TANC1: variants seen among roughly 807,000 people sequenced by gnomAD.
TANC1 encodes the protein protein TANC1.
Under a neutral mutation model 149.7 loss-of-function variants are expected in TANC1, and 77 were observed. That is an observed-to-expected ratio of 0.51 (90% CI 0.43 to 0.62). The LOEUF is 0.62. TANC1 is among the 20% of genes least tolerant of loss of function. TANC1 has a pLI of 0.00. For missense variants in TANC1, 1,985 were observed against 2,321.8 expected (o/e 0.85, Z 2.98); for synonymous variants, 854 against 925.0 (o/e 0.92, Z 1.39).
intron 22 of TANC1, among the ~76,000 whole-genome samples, chr2:159,221,015 G>A (rs1246600602): frequency 6.6e-6 from 1 of 152,154 alleles, no homozygotes; most frequent in East Asian, 1.9e-4. Context: ...ATTTCTTTTT[G>A]GTGAGAGCAT....
At chr2:159,193,007 A>G (rs1184962105) in intron 16 of TANC1, among the ~76,000 whole-genome samples, 1 of 152,236 alleles carries the variant, frequency 6.6e-6, no homozygotes, top group African/African-American at 2.4e-5. Context: ...GAAATTTACC[A>G]TCTTAACCAT....
chr2:159,064,753 CG>C (rs2042519913), intron 2 of TANC1, among the ~76,000 whole-genome samples: 1 of 152,170 alleles, frequency 6.6e-6, no homozygotes, highest in South Asian at 2.1e-4. Context: ...CCCTTCTCAA[CG>C]GGTGCCACAA....
intron 2 of TANC1, among the ~76,000 whole-genome samples, chr2:159,057,430 G>A (rs264660): frequency 0.58 from 87,992 of 152,108 alleles, 26,963 homozygotes; most frequent in Non-Finnish European, 0.71. Flanking sequence ...GCAACGTACA[G>A]ATGTATGTCG....
chr2:159,064,824 TG>T (rs953764369), intron 2 of TANC1, among the ~76,000 whole-genome samples: 11 of 152,212 alleles, frequency 7.2e-5, no homozygotes, highest in African/African-American at 2.4e-4. Context: ...TGAGGCCATT[TG>T]AGGCATTTGT....
intron 1 of TANC1, among the ~76,000 whole-genome samples, chr2:158,973,688 G>A (rs1449819149): frequency 6.6e-6 from 1 of 152,188 alleles, no homozygotes; most frequent in African/African-American, 2.4e-5. Flanking sequence ...GGAAGAGGGA[G>A]GGAGCTGGAT....
intron 2 of TANC1, among the ~76,000 whole-genome samples, chr2:159,059,941 G>T (rs1372407036): frequency 9.8e-6 from 1 of 102,008 alleles, no homozygotes; most frequent in African/African-American, 3.7e-5. Context: ...GTTTTTTGTT[G>T]TTGTTGTTTT....
At chr2:159,081,558 A>G (rs2044274747) in intron 3 of TANC1, among the ~76,000 whole-genome samples, 1 of 152,200 alleles carries the variant, frequency 6.6e-6, no homozygotes, top group Non-Finnish European at 1.5e-5. Context: ...GAGATGTGGC[A>G]GGAAAAAGTT....
intron 15 of TANC1, among the ~76,000 whole-genome samples, chr2:159,186,299 A>C (rs2056963762): frequency 6.6e-6 from 1 of 152,178 alleles, no homozygotes; most frequent in Admixed American, 6.5e-5. Context: ...GTGTTTGCCC[A>C]GGCTGGAGAG....
intron 4 of TANC1, among the ~76,000 whole-genome samples, chr2:159,126,251 A>T (rs2049443012): frequency 6.6e-6 from 1 of 152,226 alleles, no homozygotes. Flanking sequence ...GGCAGAATTC[A>T]GGTTTTCCTG....
intron 3 of TANC1, among the ~76,000 whole-genome samples, chr2:159,081,208 T>C (rs1282901244): frequency 6.6e-6 from 1 of 152,226 alleles, no homozygotes; most frequent in African/African-American, 2.4e-5. Flanking sequence ...AAATTGGCTA[T>C]CTTTATAGTT....
chr2:158,976,749 T>C (rs1283449895), intron 1 of TANC1, among the ~76,000 whole-genome samples: 1 of 152,052 alleles, frequency 6.6e-6, no homozygotes, highest in African/African-American at 2.4e-5. Context: ...GGTGTGGTAG[T>C]GTACACCTGT....
At chr2:159,136,990 C>G (rs2050833526) in intron 5 of TANC1, among the ~76,000 whole-genome samples, 1 of 152,182 alleles carries the variant, frequency 6.6e-6, no homozygotes, top group African/African-American at 2.4e-5. Flanking sequence ...TCACATCTCT[C>G]TTGCCTTTAA....
At position 159,174,934 on chromosome 2, in the gene TANC1, C is replaced by T. The variant is rs200868366; in HGVS notation, c.1504-19C>T. 595 of 1,597,810 alleles carry T rather than the reference C, an allele frequency of 3.7e-4. No homozygotes were observed. Among genetic ancestry groups the T allele is most frequent in the Non-Finnish European group, 4.4e-4 (512 of 1,166,062 alleles). On this transcript the variant is annotated intron_variant, in intron 11 of 26. Coordinates refer to ENST00000263635, the MANE Select transcript of TANC1 (RefSeq NM_033394.3). ...TGTGAAGAGGGTGAGGTGATGCTGA[C>T]GGTTCTGCTTCCCCCTAGGTGGTGG...
At chr2:158,997,886 C>T (rs1358054286) in intron 1 of TANC1, among the ~76,000 whole-genome samples, 1 of 152,150 alleles carries the variant, frequency 6.6e-6, no homozygotes, top group African/African-American at 2.4e-5. Context: ...TTTAGTGACT[C>T]ACTTCTAAGA....
chr2:159,227,793 A>G (rs751704464), intron 24 of TANC1, 26 bp from the exon 25 acceptor site: 4 of 1,612,756 alleles, frequency 2.5e-6, no homozygotes, highest in East Asian at 4.5e-5. Context: ...GAAAAAGGAC[A>G]AATGTTTGTG....
intron 9 of TANC1, among the ~76,000 whole-genome samples, chr2:159,169,925 G>A (rs77756085): frequency 0.14 from 21,659 of 151,684 alleles, 2,049 homozygotes; most frequent in East Asian, 0.46. Flanking sequence ...CCCAAGAGGC[G>A]GAGGTTGCAG....
At chr2:159,138,745 A>T (rs2051049932) in intron 5 of TANC1, among the ~76,000 whole-genome samples, 1 of 152,208 alleles carries the variant, frequency 6.6e-6, no homozygotes, top group Non-Finnish European at 1.5e-5. Context: ...GCATGCCAGT[A>T]TTCACCAGAC....
In TANC1 at chr2:159,084,580, C is replaced by T. The variant is rs75848077; in HGVS notation, c.62-13057C>T. 2.1e-3 allele frequency among the ~76,000 whole-genome samples: 319 copies of T among 152,192 alleles called. 2 individuals are homozygous for T. Among genetic ancestry groups the T allele is most frequent in the African/African-American group, 7.1e-3 (295 of 41,514 alleles). Reference sequence around the variant, plus strand: ...GCCTTTTGGCAGACAGCTTTGCTGACGGGACTGCCAGAGTTTGGATTTGAG... The same window carrying T: ...GCCTTTTGGCAGACAGCTTTGCTGATGGGACTGCCAGAGTTTGGATTTGAG... On this transcript the variant is annotated intron_variant, in intron 3 of 26. Coordinates refer to ENST00000263635, the MANE Select transcript of TANC1 (RefSeq NM_033394.3).
intron 2 of TANC1, among the ~76,000 whole-genome samples, chr2:159,023,173 T>A (rs2038965288): frequency 6.6e-6 from 1 of 152,104 alleles, no homozygotes; most frequent in African/African-American, 2.4e-5. Context: ...ACATTGCTTT[T>A]TTTGTGTGTG....
Sources: gnomAD v4.1 joint callset for allele counts (sites outside exome capture counted in the v4.1 genomes callset) on GRCh38, gnomAD v4.1.1 for gene constraint, MANE v1.5 for transcripts, NCBI Gene and HGNC (gene_info 2026-07-23, HGNC 2026-07-21) for gene names.